DAPK1: variants seen among roughly 807,000 people sequenced by gnomAD.
DAPK1 encodes death associated protein kinase 1, also known as death-associated protein kinase 1.
In DAPK1, 56 loss-of-function variants were observed where a neutral mutation model predicts 144.9. That is an observed-to-expected ratio of 0.39 (90% CI 0.31 to 0.48). The LOEUF is 0.48. DAPK1 is among the 20% of genes least tolerant of loss of function. The pLI is 0.95. For synonymous variants in DAPK1, 690 were observed against 749.0 expected (o/e 0.92, Z 1.29); for missense variants, 1,454 against 1,875.4 (o/e 0.78, Z 4.15).
chr9:87,533,453 G>A (rs1004742744), intron 2 of DAPK1, among the ~76,000 whole-genome samples: 1 of 152,196 alleles, frequency 6.6e-6, no homozygotes, highest in Non-Finnish European at 1.5e-5. Flanking sequence ...CAAGACCTCA[G>A]GCCAACTCAG....
intron 19 of DAPK1, among the ~76,000 whole-genome samples, chr9:87,674,247 C>G (rs1445670206): frequency 1.3e-5 from 2 of 151,938 alleles, no homozygotes; most frequent in Admixed American, 6.6e-5. Context: ...GCCTGTAATC[C>G]CAGCACTTTG....
At chr9:87,636,371 C>T (rs1202292371) in intron 3 of DAPK1, among the ~76,000 whole-genome samples, 3 of 152,156 alleles carry the variant, frequency 2.0e-5, no homozygotes, top group African/African-American at 2.4e-5. Flanking sequence ...CCACCATCCC[C>T]GTAAACCAGT....
intron 8 of DAPK1, 141 bp downstream of exon 8, chr9:87,640,591 C>A: frequency 1.8e-6 from 2 of 1,092,812 alleles, no homozygotes; most frequent in African/African-American, 1.6e-5. Context: ...TGAAACGCTT[C>A]AGAAAATGCA....
intron 2 of DAPK1, among the ~76,000 whole-genome samples, chr9:87,505,394 T>G (rs1478523723): frequency 6.6e-6 from 1 of 152,184 alleles, no homozygotes; most frequent in Non-Finnish European, 1.5e-5. Context: ...TTTGTTTGTT[T>G]GATTTTGTTT....
intron 17 of DAPK1, among the ~76,000 whole-genome samples, chr9:87,652,750 C>A (rs1391950684): frequency 1.2e-3 from 181 of 148,318 alleles, no homozygotes; most frequent in Non-Finnish European, 1.9e-3. Flanking sequence ...GGTCCTGATT[C>A]TGTGTCCTCC....
chr9:87,647,051 A>C (rs962212242), intron 13 of DAPK1, among the ~76,000 whole-genome samples: 1 of 146,114 alleles, frequency 6.8e-6, no homozygotes, highest in African/African-American at 2.8e-5. Flanking sequence ...TTTGATTTAC[A>C]AAAAAAAGTT....
At chr9:87,529,365 T>C (rs535869666) in intron 2 of DAPK1, among the ~76,000 whole-genome samples, 1 of 152,326 alleles carries the variant, frequency 6.6e-6, no homozygotes, top group East Asian at 1.9e-4. Context: ...CAGATTCGCT[T>C]CCAGTAACAC....
intron 11 of DAPK1, among the ~76,000 whole-genome samples, chr9:87,644,937 A>G (rs139294774): frequency 1.3e-5 from 2 of 152,296 alleles, no homozygotes; most frequent in Non-Finnish European, 2.9e-5. Flanking sequence ...ATTGACTTCA[A>G]TTGTGATAGA....
At chr9:87,675,895 A>ACACACACACACACC (rs1179826339) in intron 19 of DAPK1, among the ~76,000 whole-genome samples, 100 of 132,884 alleles carry the variant, frequency 7.5e-4, no homozygotes, top group Middle Eastern at 3.7e-3. Context: ...ACACACACAC[A>ACACACACACACACC]CCCTTATGAC....
chr9:87,635,763 C>G (rs954832090), intron 3 of DAPK1, among the ~76,000 whole-genome samples: 4 of 152,174 alleles, frequency 2.6e-5, no homozygotes, highest in African/African-American at 9.7e-5. Flanking sequence ...AAATGAGGCT[C>G]AAGAGAAGGG....
At chr9:87,609,842 G>A (rs761798732) in intron 3 of DAPK1, among the ~76,000 whole-genome samples, 1 of 152,138 alleles carries the variant, frequency 6.6e-6, no homozygotes, top group Non-Finnish European at 1.5e-5. Context: ...TGAAGTCCAC[G>A]GCAAGTCGAA....
At chr9:87,681,360 C>T (rs1824611678) in intron 19 of DAPK1, 44 bp from the exon 20 acceptor site, 1 of 993,434 alleles carries the variant, frequency 1.0e-6, no homozygotes, top group African/African-American at 1.6e-5. Context: ...TCATTATTTG[C>T]CTCTTTTTCT....
At chr9:87,593,528 T>G (rs1157443504) in intron 2 of DAPK1, among the ~76,000 whole-genome samples, 1 of 152,202 alleles carries the variant, frequency 6.6e-6, no homozygotes, top group East Asian at 1.9e-4. Flanking sequence ...ATCTGGGCAA[T>G]TTAGTAGAGT....
intron 3 of DAPK1, among the ~76,000 whole-genome samples, chr9:87,623,614 G>T (rs955100491): frequency 3.3e-5 from 5 of 152,214 alleles, no homozygotes; most frequent in Non-Finnish European, 7.3e-5. Flanking sequence ...TGGGGACCGG[G>T]TGCAGTGGTG....
At chr9:87,507,925 T>C (rs1233840169) in intron 2 of DAPK1, among the ~76,000 whole-genome samples, 1 of 152,238 alleles carries the variant, frequency 6.6e-6, no homozygotes, top group Non-Finnish European at 1.5e-5. Context: ...GCAGTTGATA[T>C]TATAAATTTT....
intron 2 of DAPK1, among the ~76,000 whole-genome samples, chr9:87,531,096 T>A (rs555981227): frequency 6.6e-6 from 1 of 152,302 alleles, no homozygotes; most frequent in African/African-American, 2.4e-5. Context: ...GAGAAGGGGT[T>A]AGGGGGAGAG....
chr9:87,599,480 G>A (rs146176876), intron 2 of DAPK1, among the ~76,000 whole-genome samples: 5 of 152,204 alleles, frequency 3.3e-5, no homozygotes, highest in South Asian at 4.1e-4. Flanking sequence ...TTCGCCGTGC[G>A]TTTCCTCTTT....
chr9:87,630,643 G>C (rs1340137498), intron 3 of DAPK1, among the ~76,000 whole-genome samples: 1 of 152,194 alleles, frequency 6.6e-6, no homozygotes, highest in Non-Finnish European at 1.5e-5. Flanking sequence ...AGTAGTCCTG[G>C]ATTCGAGGAG....
In DAPK1 at chr9:87,656,930, G is replaced by T. The variant is rs566862574; in HGVS notation, c.1825-1099G>T. ...TCTGAGCTAGGGAGCTTGAGAGTAA[G>T]GGGGGAGGGGAGAAGGAAGATTTTT... On this transcript the variant is annotated intron_variant, in intron 17 of 25. Coordinates refer to ENST00000408954, the MANE Select transcript of DAPK1 (RefSeq NM_004938.4). 1.3e-3 allele frequency among the ~76,000 whole-genome samples: 200 copies of T among 152,308 alleles called. 1 individual carries two copies. Among genetic ancestry groups the T allele is most frequent in the African/African-American group, 4.6e-3 (193 of 41,570 alleles).
Sources: allele counts gnomAD v4.1 joint callset (sites outside exome capture counted in the v4.1 genomes callset), GRCh38; gene constraint gnomAD v4.1.1; transcripts MANE v1.5; gene names NCBI Gene and HGNC (gene_info 2026-07-23, HGNC 2026-07-21).